Variants in CACNA1H observed in about 807,000 individuals in gnomAD.
CACNA1H encodes voltage-dependent T-type calcium channel subunit alpha-1H.
In CACNA1H, 149 loss-of-function variants were observed where a neutral mutation model predicts 192.5. That is an observed-to-expected ratio of 0.77 (90% CI 0.68 to 0.89). CACNA1H has a LOEUF of 0.89. Ranked by LOEUF, CACNA1H falls within the 40% of genes least tolerant of loss-of-function variation. The probability of loss-of-function intolerance (pLI) is 0.00; values close to 1 mark genes in which losing one functional copy is unlikely to be tolerated. For synonymous variants in CACNA1H, 2,202 were observed against 1,475.2 expected (o/e 1.49, Z -11.29); for missense variants, 4,257 against 3,423.5 (o/e 1.24, Z -6.08).
At position 1,206,102 on chromosome 16, in the gene CACNA1H, A is replaced by G; in HGVS notation, c.2604-2A>G. The G allele has an allele frequency of 6.4e-7, 1 of 1,569,516 alleles. No individual in the cohort carries two copies. The highest frequency in any genetic ancestry group is 8.6e-7 in the Non-Finnish European group (1 of 1,160,370). On this transcript the variant is annotated splice_acceptor_variant, in intron 11 of 34. Transcript: ENST00000348261. LOFTEE classifies it high-confidence loss of function. ...CTGACCCTCGCCCCCACCTGTCCGC[A>G]GCGTCTGGGAGATCGTGGGGCAGGC...
At chr16:1,154,237 G>C in intron 2 of CACNA1H, among the ~76,000 whole-genome samples, 1 of 152,010 alleles carries the variant, frequency 6.6e-6, no homozygotes, top group East Asian at 1.9e-4. Context: ...GGGCCACCGG[G>C]CGCCTCCGGA....
intron 2 of CACNA1H, among the ~76,000 whole-genome samples, chr16:1,168,706 C>T (rs1016641707): frequency 7.2e-5 from 11 of 152,138 alleles, no homozygotes; most frequent in Admixed American, 3.3e-4. Context: ...GCCCTCCAGA[C>T]CCTTCCAGAG....
Position 1,205,246 on chromosome 16 carries a change from G to T in CACNA1H, c.2584G>T (p.Gly862Cys), listed in dbSNP as rs747426357. ...CCGGAACCCGTACAACATCTTCGACGGCATCATCGTGGTCATCAGGTGGGT... is the reference window on the plus strand; with the variant it reads ...CCGGAACCCGTACAACATCTTCGACTGCATCATCGTGGTCATCAGGTGGGT... ...YIRNPYNIFD[G>C]IIVVISVWEI... The change falls in exon 11 of 35, where the codon GGC becomes TGC. Residue 862 changes from glycine (G) to cysteine (C), a missense_variant. Transcript: ENST00000348261. 14 of 1,608,222 alleles carry T rather than the reference G, an allele frequency of 8.7e-6. No homozygotes were observed. The highest frequency in any genetic ancestry group is 6.7e-5 in the East Asian group (3 of 44,714).
intron 24 of CACNA1H, 47 bp downstream of exon 24, chr16:1,211,852 G>C: frequency 1.9e-6 from 3 of 1,610,208 alleles, no homozygotes; most frequent in Middle Eastern, 3.3e-4. Context: ...TCTCCCGCGA[G>C]CGGCTGCCTT....
At chr16:1,176,236 G>A (rs944602325) in intron 2 of CACNA1H, among the ~76,000 whole-genome samples, 7 of 152,238 alleles carry the variant, frequency 4.6e-5, no homozygotes, top group African/African-American at 1.7e-4. Context: ...CCTGACTGTC[G>A]GTTCTGAGCT....
At position 1,198,705 on chromosome 16, in the gene CACNA1H, G is replaced by C; in HGVS notation, c.734G>C (p.Gly245Ala). 1 of 1,613,354 alleles carries C rather than the reference G, an allele frequency of 6.2e-7. No homozygotes were observed. The highest frequency in any genetic ancestry group is 8.5e-7 in the Non-Finnish European group (1 of 1,179,626). The change falls in exon 6 of 35, where the codon GGC becomes GCC. Residue 245 changes from glycine (G) to alanine (A), a missense_variant. By Grantham distance (60) the Gly-to-Ala change is moderately conservative (BLOSUM62 0). Coordinates refer to ENST00000348261, the MANE Select transcript of CACNA1H (RefSeq NM_021098.3). ...LLCFFVFFIF[G>A]IVGVQLWAGL... The stretch of plus-strand genomic sequence containing the variant: ...TGCTTCTTCGTCTTCTTCATTTTCG[G>C]CATCGTTGGCGTCCAGCTCTGGGCT...
rs2141343229 is a variant in CACNA1H, at chr16:1,210,878, TG to T, written c.4132del (p.Asp1378ThrfsTer30). On this transcript the variant is annotated frameshift_variant, in exon 21 of 35. Transcript: ENST00000348261. LOFTEE classifies it high-confidence loss of function. ...GGGCTGCTGGTGCTGGTGTCCCTGG[TG>T]GACATTGTCGTGGCCATGGCCTCGG... The part of the protein sequence containing the change: ...LDGLLVLVSL[V>X]DIVVAMASAG... The T allele has an allele frequency of 6.2e-7, 1 of 1,605,514 alleles. No individual in the cohort carries two copies.
chr16:1,169,976 G>C (rs1964199640), intron 2 of CACNA1H, among the ~76,000 whole-genome samples: 1 of 152,230 alleles, frequency 6.6e-6, no homozygotes, highest in African/African-American at 2.4e-5. Context: ...TCGGGATCAA[G>C]GATGTTTTAA....
rs1053161282 is a variant in CACNA1H, at chr16:1,201,526, G to C, written c.1213-137G>C. 5 of 1,051,816 alleles carry C rather than the reference G, an allele frequency of 4.8e-6. No homozygotes were observed. The African/African-American group carries it at 8.0e-5, about 17-fold the overall frequency. The allele number at this position is 1,051,816 out of a possible 1,614,324, so 65.2% of individuals were successfully genotyped here. Reference sequence around the variant, plus strand: ...GGGCTCAGCACTGAACACCGCAGCAGCCTGCCCATAGCAGGGCACCTCGCC... The same window carrying C: ...GGGCTCAGCACTGAACACCGCAGCACCCTGCCCATAGCAGGGCACCTCGCC... On this transcript the variant is annotated intron_variant, in intron 8 of 34. Transcript: ENST00000348261.
At chr16:1,199,389 G>T (rs12934594) in intron 6 of CACNA1H, among the ~76,000 whole-genome samples, 1 of 3,090 alleles carries the variant, frequency 3.2e-4, no homozygotes, top group Non-Finnish European at 5.6e-4. Flanking sequence ...CTCCGCCCAC[G>T]GTGCGGTCGC....
chr16:1,214,271 C>T (rs1171887760), intron 27 of CACNA1H, among the ~76,000 whole-genome samples: 5 of 152,192 alleles, frequency 3.3e-5, no homozygotes, highest in African/African-American at 1.2e-4. Flanking sequence ...TTTCTTTATT[C>T]GGGTCCCCCT....
intron 27 of CACNA1H, among the ~76,000 whole-genome samples, chr16:1,214,353 T>A (rs1439419523): frequency 6.6e-6 from 1 of 152,224 alleles, no homozygotes; most frequent in Admixed American, 6.5e-5. Flanking sequence ...AGCCTCTGGG[T>A]AGCAGTAAGC....
At position 1,217,018 on chromosome 16, in the gene CACNA1H, G is replaced by A. The variant is rs747015827; in HGVS notation, c.5323+8G>A. ...AGCTGTTCGGGAGGCTGGGTGAGTGGCTCCTGCGCCCTCCTCCTGGCACAC... is the reference window on the plus strand; with the variant it reads ...AGCTGTTCGGGAGGCTGGGTGAGTGACTCCTGCGCCCTCCTCCTGGCACAC... On this transcript the variant is annotated splice_region_variant and intron_variant, in intron 31 of 34. Transcript: ENST00000348261. 2 of 1,581,570 alleles carry A rather than the reference G, an allele frequency of 1.3e-6. No individual in the cohort carries two copies. The highest frequency in any genetic ancestry group is 1.3e-5 in the African/African-American group (1 of 74,492).
chr16:1,190,787 G>T (rs999696948), intron 2 of CACNA1H, among the ~76,000 whole-genome samples: 1 of 152,270 alleles, frequency 6.6e-6, no homozygotes, highest in African/African-American at 2.4e-5. Flanking sequence ...GGAGGCAGAG[G>T]ATCTACGATG....
At position 1,221,051 on chromosome 16, in the gene CACNA1H, G is replaced by A. The variant is rs2141414857; in HGVS notation, c.*57G>A. ...CCTGGGGTCTGGGGGCCCCGCTGGG[G>A]TGGAGGCCCAGGCAGAACCCTGCAT... On this transcript the variant is annotated 3_prime_UTR_variant, in exon 35 of 35. Transcript: ENST00000348261. 1 of 1,358,390 alleles carries A rather than the reference G, an allele frequency of 7.4e-7. No individual in the cohort carries two copies. Among genetic ancestry groups the A allele is most frequent in the South Asian group, 1.5e-5 (1 of 68,602 alleles). The allele number at this position is 1,358,390 out of a possible 1,614,324, so 84.1% of individuals were successfully genotyped here. A position where few individuals can be genotyped will look rare whatever the true frequency, so the allele number is the denominator to read the frequency against.
At chr16:1,218,708 TG>T in intron 33 of CACNA1H, 57 bp downstream of exon 33, 1 of 786,240 alleles carries the variant, frequency 1.3e-6, no homozygotes, top group Non-Finnish European at 1.7e-6. Context: ...GGGAGGAAGA[TG>T]GGGGCAGGTG....
intron 26 of CACNA1H, among the ~76,000 whole-genome samples, chr16:1,213,538 G>A (rs1212449705): frequency 6.6e-6 from 1 of 152,036 alleles, no homozygotes; most frequent in Non-Finnish European, 1.5e-5. Context: ...AGGCCTCCTG[G>A]CCTAGCCAGC....
At chr16:1,196,104 C>A in intron 5 of CACNA1H, 81 bp downstream of exon 5, 1 of 1,098,668 alleles carries the variant, frequency 9.1e-7, no homozygotes, top group Non-Finnish European at 1.4e-6. Flanking sequence ...AAAGGGCCCC[C>A]AGGAGCACAG....
rs375424823 is a variant in CACNA1H at position 1,200,439 on chromosome 16, G to A, written c.987G>A (p.Gly329=). 2.5e-6 allele frequency: 4 copies of A among 1,611,050 alleles called. No homozygotes were observed. Among genetic ancestry groups the A allele is most frequent in the African/African-American group, 2.7e-5 (2 of 75,010 alleles). The change falls in exon 7 of 35, where the codon GGG becomes GGA. Residue 329 remains glycine (G), a synonymous_variant. Transcript: ENST00000348261. ...CCTACACGCAGCCGCAGGCCGAGGG[G>A]GTGGGCGCTGCACGCAACGCCTGCA... is the stretch of plus-strand genomic sequence containing the variant. The part of the protein sequence containing the change: ...WEAYTQPQAE[G]VGAARNACIN...
Sources: gnomAD v4.1 joint callset for allele counts (sites outside exome capture counted in the v4.1 genomes callset) on GRCh38, gnomAD v4.1.1 for gene constraint, MANE v1.5 for transcripts, NCBI Gene and HGNC (gene_info 2026-07-23, HGNC 2026-07-21) for gene names.